Variants in REG3G observed in about 807,000 individuals in gnomAD.
REG3G encodes regenerating islet-derived protein 3-gamma.
REG3G carries 19 observed loss-of-function variants against 20.9 expected under a neutral mutation model. That is an observed-to-expected ratio of 0.91 (90% confidence interval 0.64 to 1.34). The LOEUF (loss-of-function observed/expected upper bound fraction) is 1.34, where lower values mean the gene tolerates loss of function less well. REG3G is among the 40% of genes most tolerant of loss of function. The probability of loss-of-function intolerance (pLI) is 0.00; values close to 1 mark genes in which losing one functional copy is unlikely to be tolerated. For missense variants in REG3G, 235 were observed against 205.0 expected (o/e 1.15, Z -0.89); for synonymous variants, 89 against 77.4 (o/e 1.15, Z -0.79).
Position 79,026,795 on chromosome 2 carries a change from C to G in REG3G, c.159C>G (p.Ala53=). Residue 53 remains alanine, a synonymous_variant, in exon 3 of 6, where the codon GCC becomes GCG. Coordinates refer to ENST00000272324, the MANE Select transcript of REG3G (RefSeq NM_001008387.3). The part of the protein sequence containing the change: ...GSKAYGSPCY[A]LFLSPKSWMD... ...AGGCCTATGGCTCCCCCTGCTATGC[C>G]TTGTTTTTGTCACCAAAATCCTGGA... is the stretch of plus-strand genomic sequence containing the variant. 6.2e-7 allele frequency: 1 copy of G among 1,613,526 alleles called. No individual in the cohort carries two copies.
rs375918741 is a variant in REG3G, at chr2:79,026,745, C to T, written c.109C>T (p.Arg37Trp). The change falls in exon 3 of 6, where the codon CGG becomes TGG. Residue 37 changes from arginine to tryptophan, a missense_variant. Physicochemically the swap from Arg to Trp is moderately radical, Grantham distance 101 (BLOSUM62 -3). Coordinates refer to ENST00000272324, the MANE Select transcript of REG3G (RefSeq NM_001008387.3). ...EETQKELPSP[R>W]ISCPKGSKAY... Reference sequence around the variant, plus strand: ...AACCCAGAAGGAACTGCCCTCTCCACGGATCAGCTGTCCCAAAGGCTCCAA... The same window carrying T: ...AACCCAGAAGGAACTGCCCTCTCCATGGATCAGCTGTCCCAAAGGCTCCAA... 2.9e-5 allele frequency: 47 copies of T among 1,613,766 alleles called. No individual in the cohort carries two copies. Among genetic ancestry groups the T allele is most frequent in the Middle Eastern group, 1.6e-4 (1 of 6,076 alleles).
intron 4 of REG3G, 66 bp downstream of exon 4, chr2:79,027,237 G>T: frequency 1.3e-6 from 2 of 1,529,824 alleles, no homozygotes; most frequent in Non-Finnish European, 1.8e-6. Context: ...CGCACTCCCT[G>T]TCCCCAGTCC....
chr2:79,026,143 G>A lies in REG3G; in HGVS notation c.50G>A (p.Cys17Tyr), dbSNP rs372068681. The A allele has an allele frequency of 7.7e-5, 124 of 1,613,830 alleles. No homozygotes were observed. The highest frequency in any genetic ancestry group is 9.9e-5 in the Non-Finnish European group (117 of 1,179,896). The change falls in exon 2 of 6, where the codon TGC (cysteine) becomes TAC (tyrosine). Residue 17 changes from cysteine to tyrosine, a missense_variant. Coordinates refer to ENST00000272324, the MANE Select transcript of REG3G (RefSeq NM_001008387.3). Reference protein sequence around the residue: ...LPSVSWMLLSCLILLCQVQGE... With the variant: ...LPSVSWMLLSYLILLCQVQGE... ...AGTGTGTCCTGGATGCTGCTTTCCT[G>A]CCTCATTCTCCTGTGTCAGGTTCAA...
intron 4 of REG3G, 56 bp downstream of exon 4, chr2:79,027,227 C>A (rs935257978): frequency 1.3e-6 from 2 of 1,577,686 alleles, no homozygotes; most frequent in South Asian, 1.1e-5. Flanking sequence ...GTTGCCCAGG[C>A]GCACTCCCTG....
Position 79,027,110 on chromosome 2 carries a change from T to C in REG3G, c.272T>C (p.Leu91Pro). The C allele has an allele frequency of 6.2e-7, 1 of 1,613,708 alleles. No homozygotes were observed. The stretch of plus-strand genomic sequence containing the variant: ...GCTGAGGGATCCTTCGTGTCCTCCC[T>C]GGTGAGGAGCATTAGTAACAGCTAT... The part of the protein sequence containing the change: ...SGAEGSFVSS[L>P]VRSISNSYSY... Residue 91 changes from leucine to proline, a missense_variant, in exon 4 of 6, where the codon CTG becomes CCG. Coordinates refer to ENST00000272324, the MANE Select transcript of REG3G (RefSeq NM_001008387.3).
intron 2 of REG3G, 153 bp downstream of exon 2, chr2:79,026,322 T>G: frequency 1.4e-6 from 1 of 739,520 alleles, no homozygotes; most frequent in Non-Finnish European, 2.3e-6. Flanking sequence ...TCATGTTAAC[T>G]TGCAGTGGGA....
chr2:79,028,327 A>T lies in REG3G; in HGVS notation c.*51A>T, dbSNP rs983039799. On this transcript the variant is annotated 3_prime_UTR_variant, in exon 6 of 6. Transcript: ENST00000272324. ...GCTTGGCGTGCAGCTCATCATGGAC[A>T]TGAGACCAGTGTGAAGACTCACCCT... The T allele has an allele frequency of 8.1e-7, 1 of 1,241,704 alleles. No individual in the cohort carries two copies. The highest frequency in any genetic ancestry group is 1.2e-6 in the Non-Finnish European group (1 of 840,198). 76.9% of individuals were successfully genotyped at this position (1,241,704 alleles called of 1,614,324 possible). A position where few individuals can be genotyped will look rare whatever the true frequency, so the allele number is the denominator to read the frequency against.
chr2:79,026,928 G>A (rs1021625612), intron 3 of REG3G, 97 bp downstream of exon 3: 4 of 1,448,554 alleles, frequency 2.8e-6, no homozygotes, highest in Non-Finnish European at 3.8e-6. Flanking sequence ...TTGGGAATGA[G>A]GATGAACACG....
At position 79,026,148 on chromosome 2, in the gene REG3G, A is replaced by T. The variant is rs758405464; in HGVS notation, c.55A>T (p.Ile19Phe). Reference protein sequence around the residue: ...SVSWMLLSCLILLCQVQGEET... With the variant: ...SVSWMLLSCLFLLCQVQGEET... ...GTCCTGGATGCTGCTTTCCTGCCTC[A>T]TTCTCCTGTGTCAGGTTCAAGGTGA... Residue 19 changes from isoleucine (I) to phenylalanine (F), a missense_variant, in exon 2 of 6, where the codon ATT (isoleucine) becomes TTT (phenylalanine). Physicochemically the swap from Ile to Phe is conservative, Grantham distance 21. Coordinates refer to ENST00000272324, the MANE Select transcript of REG3G (RefSeq NM_001008387.3). 1.2e-5 allele frequency: 19 copies of T among 1,613,770 alleles called. No homozygotes were observed. In the African/African-American group the frequency reaches 1.3e-4, roughly 11 times the overall value.
In REG3G at chr2:79,027,951, T is replaced by C; in HGVS notation, c.460+18T>C. 5.0e-6 allele frequency: 8 copies of C among 1,613,570 alleles called. No individual in the cohort carries two copies. Among genetic ancestry groups the C allele is most frequent in the Non-Finnish European group, 5.9e-6 (7 of 1,179,758 alleles). Reference sequence around the variant, plus strand: ...AAGCACAGGTAAGAAACAGAAGAGCTGCCTCTTCCCAGCACTTTCCACTCC... The same window carrying C: ...AAGCACAGGTAAGAAACAGAAGAGCCGCCTCTTCCCAGCACTTTCCACTCC... On this transcript the variant is annotated intron_variant, in intron 5 of 5. Transcript: ENST00000272324.
intron 2 of REG3G, 75 bp from the exon 3 acceptor site, chr2:79,026,638 C>A: frequency 3.3e-6 from 4 of 1,205,426 alleles, no homozygotes; most frequent in East Asian, 2.3e-5. Context: ...AAGGGCAGAC[C>A]TAGATATTCC....
At chr2:79,025,883 A>T in intron 1 of REG3G, 100 bp from the exon 2 acceptor site, 1 of 556,946 alleles carries the variant, frequency 1.8e-6, no homozygotes, top group Middle Eastern at 4.4e-4. Context: ...TCTGAGACTC[A>T]GCAAGGCTGT....
rs1671665335 is a variant in REG3G, at chr2:79,027,877, A to T, written c.404A>T (p.Lys135Ile). Residue 135 changes from lysine to isoleucine, a missense_variant, in exon 5 of 6, where the codon AAA becomes ATA. Coordinates refer to ENST00000272324, the MANE Select transcript of REG3G (RefSeq NM_001008387.3). ...TDVMNYFAWE[K>I]NPSTILNPGH... Reference sequence around the variant, plus strand: ...GTGATGAATTACTTTGCATGGGAGAAAAATCCCTCCACCATCTTAAACCCT... The same window carrying T: ...GTGATGAATTACTTTGCATGGGAGATAAATCCCTCCACCATCTTAAACCCT... 5.6e-6 allele frequency: 9 copies of T among 1,614,078 alleles called. No individual in the cohort carries two copies. The South Asian group carries it at 9.9e-5, about 18-fold the overall frequency.
intron 2 of REG3G, 140 bp from the exon 3 acceptor site, chr2:79,026,573 C>T: frequency 1.4e-6 from 1 of 712,816 alleles, no homozygotes; most frequent in East Asian, 2.6e-5. Context: ...AGATAAAGAA[C>T]TTCTGAAAAC....
At chr2:79,027,346 G>C in intron 4 of REG3G, 175 bp downstream of exon 4, 1 of 635,946 alleles carries the variant, frequency 1.6e-6, no homozygotes, top group Non-Finnish European at 2.7e-6. Flanking sequence ...TGAATTCTAC[G>C]GAGATCCCTA....
intron 2 of REG3G, 80 bp downstream of exon 2, chr2:79,026,249 C>T (rs425846): frequency 0.24 from 329,679 of 1,391,084 alleles, 41,273 homozygotes; most frequent in African/African-American, 0.37. Context: ...CTGTGTGTCA[C>T]GTGAGGTAAT....
intron 3 of REG3G, 29 bp from the exon 4 acceptor site, chr2:79,027,005 C>G (rs753059358): frequency 6.2e-7 from 1 of 1,613,780 alleles, no homozygotes; most frequent in Non-Finnish European, 8.5e-7. Flanking sequence ...GTCTCAGGCT[C>G]CATCTCATTC....
intron 2 of REG3G, chr2:79,026,433 A>T: frequency 1.7e-6 from 1 of 596,622 alleles, no homozygotes; most frequent in Middle Eastern, 4.5e-4. Context: ...CAGCAATGAG[A>T]TGTGGGGAGG....
chr2:79,026,831 T>C lies in REG3G; in HGVS notation c.195T>C (p.Asp65=), dbSNP rs748645806. Residue 65 remains aspartate (D), a splice_region_variant and synonymous_variant, in exon 3 of 6, where the codon GAT becomes GAC. Coordinates refer to ENST00000272324, the MANE Select transcript of REG3G (RefSeq NM_001008387.3). The part of the protein sequence containing the change: ...FLSPKSWMDA[D]LACQKRPSGK... ...CACCAAAATCCTGGATGGATGCAGA[T>C]GTGAGTGGTTAGATGTGGGGTTGGA... The C allele has an allele frequency of 2.5e-6, 4 of 1,608,504 alleles. No homozygotes were observed. In the South Asian group the frequency reaches 3.3e-5, roughly 13 times the overall value.
Sources: gnomAD v4.1 joint callset for allele counts on GRCh38, gnomAD v4.1.1 for gene constraint, MANE v1.5 for transcripts, NCBI Gene and HGNC (gene_info 2026-07-23, HGNC 2026-07-21) for gene names.